Variants in TPPP observed in about 807,000 individuals in gnomAD.
TPPP encodes tubulin polymerization-promoting protein.
In TPPP, 6 loss-of-function variants were observed where a neutral mutation model predicts 15.5. That is an observed-to-expected ratio of 0.39 (90% CI 0.21 to 0.77). The LOEUF is 0.77. Among genes scored for constraint, TPPP ranks in the 30% least tolerant of loss-of-function variants. The pLI, the probability that TPPP is intolerant of heterozygous loss-of-function variation, is 0.42. For synonymous variants in TPPP, 146 were observed against 133.9 expected, an observed-to-expected ratio of 1.09 and a Z score of -0.63; for missense variants, 269 against 307.2, an observed-to-expected ratio of 0.88 and a Z score of 0.93.
chr5:670,172 C>G (rs10035635), intron 2 of TPPP, among the ~76,000 whole-genome samples: 4 of 152,140 alleles, frequency 2.6e-5, no homozygotes, highest in Non-Finnish European at 5.9e-5. Context: ...GACAGCCCTC[C>G]GAGGACTGAG....
chr5:693,563 G>A, upstream of TPPP, among the ~76,000 whole-genome samples: 1 of 151,652 alleles, frequency 6.6e-6, no homozygotes, highest in Middle Eastern at 3.2e-3. Flanking sequence ...CTCTGCTCAG[G>A]CCCCGCGGAC....
At chr5:665,928 C>CT in intron 3 of TPPP, 42 bp downstream of exon 3, 1 of 780,354 alleles carries the variant, frequency 1.3e-6, no homozygotes, top group Non-Finnish European at 1.7e-6. Flanking sequence ...GGCCCCGCCC[C>CT]CACCCCCTCC....
At chr5:681,499 A>G (rs1740620582) in intron 1 of TPPP, among the ~76,000 whole-genome samples, 2 of 152,064 alleles carry the variant, frequency 1.3e-5, no homozygotes, top group South Asian at 2.1e-4. Flanking sequence ...TTGCATCCAG[A>G]TGTGCACCTG....
intron 1 of TPPP, among the ~76,000 whole-genome samples, chr5:688,971 GGGCCT>G (rs1326868185): frequency 9.4e-6 from 1 of 105,932 alleles, no homozygotes; most frequent in African/African-American, 3.0e-5. Context: ...GGGCTGGCTG[GGGCCT>G]GGACATGGCT....
At chr5:679,471 G>T (rs1229302561) in intron 1 of TPPP, among the ~76,000 whole-genome samples, 1 of 150,970 alleles carries the variant, frequency 6.6e-6, no homozygotes, top group Non-Finnish European at 1.5e-5. Context: ...GTCAGGTGTC[G>T]AGCTGGGAAC....
chr5:693,368 CG>C (rs1466815316), upstream of TPPP: 1 of 148,264 alleles, frequency 6.7e-6, no homozygotes, highest in Non-Finnish European at 1.5e-5. Flanking sequence ...CGCCGCCCCG[CG>C]CCCGCCCGTC....
At chr5:677,167 C>T (rs571779556) in intron 2 of TPPP, among the ~76,000 whole-genome samples, 6 of 152,358 alleles carry the variant, frequency 3.9e-5, no homozygotes, top group African/African-American at 7.2e-5. Flanking sequence ...TTTTGCCGCC[C>T]GTGGGAATCC....
intron 2 of TPPP, among the ~76,000 whole-genome samples, chr5:670,651 C>G (rs1458512306): frequency 6.6e-6 from 1 of 152,152 alleles, no homozygotes; most frequent in African/African-American, 2.4e-5. Flanking sequence ...GCACGTCGCT[C>G]CGAGTTCTCA....
At chr5:684,500 C>G (rs1418392576) in intron 1 of TPPP, among the ~76,000 whole-genome samples, 1 of 152,092 alleles carries the variant, frequency 6.6e-6, no homozygotes, top group Non-Finnish European at 1.5e-5. Context: ...ACCCGAAGCC[C>G]CAGAAGCAAA....
intron 2 of TPPP, among the ~76,000 whole-genome samples, chr5:672,560 A>G (rs1740260131): frequency 1.3e-5 from 2 of 152,230 alleles, no homozygotes; most frequent in Non-Finnish European, 2.9e-5. Flanking sequence ...GCCAGTGAGC[A>G]AGGCTGGCAG....
chr5:684,633 T>C (rs374354855), intron 1 of TPPP, among the ~76,000 whole-genome samples: 15 of 151,920 alleles, frequency 9.9e-5, no homozygotes, highest in African/African-American at 3.6e-4. Context: ...TGCTTCCCCA[T>C]TAAACAGGGC....
the TPPP span, among the ~76,000 whole-genome samples, chr5:699,167 C>T: frequency 4.6e-5 from 7 of 151,928 alleles, no homozygotes; most frequent in African/African-American, 7.2e-5. Flanking sequence ...CCAAAAAGAG[C>T]CCAACTAGCC....
rs383167 is a variant in TPPP at position 661,915 on chromosome 5, G to C, written c.*3187C>G. 114,463 of 152,348 alleles carry C rather than the reference G, an allele frequency of 0.75. 43,098 individuals carry two copies. The highest frequency in any genetic ancestry group is 0.84 in the South Asian group (4,057 of 4,828). 9.4% of individuals were successfully genotyped at this position (152,348 alleles called of 1,614,324 possible). A position where few individuals can be genotyped will look rare whatever the true frequency, so the allele number is the denominator to read the frequency against. On this transcript the variant is annotated 3_prime_UTR_variant, in exon 4 of 4. Coordinates refer to ENST00000360578, the MANE Select transcript of TPPP (RefSeq NM_007030.3). ...AAAGCCTGAGGGCCGCTGGGGGAGG[G>C]CGTGCCTCTAACTCGTGGGCACCAA...
rs370031409 is a variant in TPPP, at chr5:677,901, C to A, written c.160G>T (p.Ala54Ser). The change falls in exon 2 of 4, where the codon GCC becomes TCC. Residue 54 changes from alanine (A) to serine (S), a missense_variant. By Grantham distance (99) the Ala-to-Ser change is moderately conservative. Transcript: ENST00000360578. ...CCGTGCACGGCAAAGCGCCGGAAGG[C>A]CTCCTCCAGGGCACTGAGCTCAGGG... ...ASPELSALEE[A>S]FRRFAVHGDA... 1 of 1,612,848 alleles carries A rather than the reference C, an allele frequency of 6.2e-7. No homozygotes were observed.
intron 2 of TPPP, among the ~76,000 whole-genome samples, chr5:670,128 G>A (rs904356875): frequency 5.9e-5 from 9 of 152,130 alleles, no homozygotes; most frequent in Non-Finnish European, 8.8e-5. Context: ...ACTGGGACCC[G>A]GCCTGGGGCC....
At position 660,374 on chromosome 5, in the gene TPPP, C is replaced by G. The variant is rs1205291119; in HGVS notation, c.*4728G>C. The G allele has an allele frequency of 6.6e-6, 1 of 152,296 alleles. No individual in the cohort carries two copies. Among genetic ancestry groups the G allele is most frequent in the African/African-American group, 2.4e-5 (1 of 41,418 alleles). The allele number at this position is 152,296 out of a possible 1,614,324, so 9.4% of individuals were successfully genotyped here. On this transcript the variant is annotated 3_prime_UTR_variant, in exon 4 of 4. Coordinates refer to ENST00000360578, the MANE Select transcript of TPPP (RefSeq NM_007030.3). ...AGGTCGAAAGAAAGAAGTAAAGCAT[C>G]TCGATGTGCCCAGGACTCCCCATCA...
chr5:694,235 A>C (rs1395816115), upstream of TPPP, among the ~76,000 whole-genome samples: 2 of 151,728 alleles, frequency 1.3e-5, no homozygotes, highest in Admixed American at 1.3e-4. Context: ...GGCTCCCCAC[A>C]AGGTTCCGGG....
intron 2 of TPPP, among the ~76,000 whole-genome samples, chr5:675,321 G>T (rs1740380321): frequency 9.2e-6 from 1 of 108,990 alleles, no homozygotes; most frequent in Admixed American, 9.0e-5. Context: ...GTACAGTGTG[G>T]CCGGGGGTGC....
At chr5:679,391 CCG>C (rs1740556358) in intron 1 of TPPP, among the ~76,000 whole-genome samples, 3 of 139,556 alleles carry the variant, frequency 2.1e-5, no homozygotes, top group Non-Finnish European at 4.5e-5. Context: ...GGGGGCTGGG[CCG>C]CGTGGGGGCA....
Sources: gnomAD v4.1 joint callset for allele counts (sites outside exome capture counted in the v4.1 genomes callset) on GRCh38, gnomAD v4.1.1 for gene constraint, MANE v1.5 for transcripts, NCBI Gene and HGNC (gene_info 2026-07-23, HGNC 2026-07-21) for gene names.